Variants in DGKI observed in about 807,000 individuals in gnomAD.
DGKI encodes diacylglycerol kinase iota.
In DGKI, 55 loss-of-function variants were observed where a neutral mutation model predicts 147.5. The ratio of observed to expected loss-of-function variants is 0.37; its 90% confidence interval spans 0.30 to 0.47. The LOEUF (loss-of-function observed/expected upper bound fraction) is 0.47. Among genes scored for constraint, DGKI ranks in the 20% least tolerant of loss-of-function variants. The pLI is 1.00. For synonymous variants in DGKI, 469 were observed against 477.1 expected, an observed-to-expected ratio of 0.98 and a Z score of 0.22; for missense variants, 1,007 against 1,323.8, an observed-to-expected ratio of 0.76 and a Z score of 3.71.
At chr7:137,500,450 T>A (rs1421571141) in intron 21 of DGKI, among the ~76,000 whole-genome samples, 1 of 152,200 alleles carries the variant, frequency 6.6e-6, no homozygotes, top group African/African-American at 2.4e-5. Context: ...TGCCAAATAA[T>A]GCATAAATGA....
At chr7:137,730,049 T>A (rs140170960) in intron 1 of DGKI, among the ~76,000 whole-genome samples, 11 of 152,260 alleles carry the variant, frequency 7.2e-5, no homozygotes, top group Middle Eastern at 3.4e-3. Context: ...TTTTTCTCTA[T>A]GTCTCATTTT....
intron 1 of DGKI, among the ~76,000 whole-genome samples, chr7:137,777,022 CA>C (rs541783637): frequency 1.8e-4 from 27 of 147,526 alleles, no homozygotes; most frequent in Admixed American, 2.7e-4. Flanking sequence ...CTGTTTCTAC[CA>C]AAAAAAAAAA....
rs1563226241 is a variant in DGKI, at chr7:137,846,964, C to CGGCCCGCACCCTCCA, written c.-103_-102insTGGAGGGTGCGGGCC. 2.2e-6 allele frequency: 2 copies of CGGCCCGCACCCTCCA among 909,302 alleles called. No homozygotes were observed. Among genetic ancestry groups the CGGCCCGCACCCTCCA allele is most frequent in the Non-Finnish European group, 2.7e-6 (2 of 751,012 alleles). The allele number at this position is 909,302 out of a possible 1,614,324, so 56.3% of individuals were successfully genotyped here. On this transcript the variant is annotated 5_prime_UTR_variant, in exon 1 of 33. Transcript: ENST00000614521. This position sits in a 1 kb window ranked among gnomAD's most constrained non-coding sequence, Gnocchi z 4.0. ...CCCCGCCTCCCGCGCCCTCCCGCGC[C>CGGCCCGCACCCTCCA]GGCCCGCACCCTCCAGCCCCGCCGG...
At chr7:137,841,413 A>G (rs1197076222) in intron 1 of DGKI, among the ~76,000 whole-genome samples, 1 of 152,234 alleles carries the variant, frequency 6.6e-6, no homozygotes, top group Non-Finnish European at 1.5e-5. Context: ...TAATGAAAAA[A>G]AGTTTTATGG....
intron 1 of DGKI, among the ~76,000 whole-genome samples, chr7:137,816,077 A>G (rs1797727541): frequency 6.6e-6 from 1 of 152,170 alleles, no homozygotes; most frequent in Non-Finnish European, 1.5e-5. Flanking sequence ...TTGATGGCTC[A>G]CAGGTCCCTT....
intron 21 of DGKI, among the ~76,000 whole-genome samples, chr7:137,495,858 G>T (rs1294191267): frequency 1.3e-5 from 2 of 152,050 alleles, no homozygotes; most frequent in African/African-American, 4.8e-5. Context: ...ACATCATACT[G>T]AATGGGTAAA....
rs990696922 is a variant in DGKI at position 137,834,043 on chromosome 7, G to C, written c.401+12419C>G. On this transcript the variant is annotated intron_variant, in intron 1 of 32. Transcript: ENST00000614521. ...ATCCTGTGCCTCAGTTTCCTTTTCT[G>C]TAAAGCTATGGATAGTAAAAGCATC... 4.6e-5 allele frequency among the ~76,000 whole-genome samples: 7 copies of C among 152,312 alleles called. No individual in the cohort carries two copies. The East Asian group carries it at 1.3e-3, about 29-fold the overall frequency.
intron 1 of DGKI, among the ~76,000 whole-genome samples, chr7:137,829,695 G>C (rs1798164323): frequency 6.6e-6 from 1 of 152,184 alleles, no homozygotes; most frequent in Non-Finnish European, 1.5e-5. Context: ...ACTTAAAATA[G>C]GAAAATGCTG....
chr7:137,692,893 C>T (rs1218365676), intron 1 of DGKI, among the ~76,000 whole-genome samples: 1 of 152,104 alleles, frequency 6.6e-6, no homozygotes, highest in Non-Finnish European at 1.5e-5. Flanking sequence ...ATGAAAGTGG[C>T]TGCCAGTTTG....
intron 31 of DGKI, among the ~76,000 whole-genome samples, chr7:137,396,549 T>C (rs1023149689): frequency 6.6e-6 from 1 of 152,196 alleles, no homozygotes; most frequent in African/African-American, 2.4e-5. Context: ...ATCTTGCCAA[T>C]AGGATGTGCT....
At chr7:137,835,578 G>GT (rs548264897) in intron 1 of DGKI, among the ~76,000 whole-genome samples, 85 of 150,834 alleles carry the variant, frequency 5.6e-4, no homozygotes, top group South Asian at 2.1e-3. Flanking sequence ...ATCTCTACCT[G>GT]TTTTTTTTTC....
At chr7:137,478,087 A>T (rs1476260044) in intron 23 of DGKI, among the ~76,000 whole-genome samples, 1 of 152,190 alleles carries the variant, frequency 6.6e-6, no homozygotes, top group African/African-American at 2.4e-5. Context: ...AGAGTTAAAA[A>T]CCAAACAGAA....
In DGKI at chr7:137,638,626, ATATGTGTG is replaced by A; in HGVS notation, c.804+6838_804+6845del. ...TGTATATATATACACACACACATAT[ATATGTGTG>A]TATATATGTGTATGTATATACACAC... On this transcript the variant is annotated intron_variant, in intron 6 of 32. Transcript: ENST00000614521. Among the ~76,000 whole-genome samples the A allele has an allele frequency of 4.4e-4, 4 of 9,190 alleles. 1 individual carries two copies. Among genetic ancestry groups the A allele is most frequent in the African/African-American group, 2.5e-3 (4 of 1,590 alleles). 6.0% of individuals were successfully genotyped at this position (9,190 alleles called of 152,430 possible). A position where few individuals can be genotyped will look rare whatever the true frequency, so the allele number is the denominator to read the frequency against.
At chr7:137,408,654 C>T (rs1176620044) in intron 29 of DGKI, among the ~76,000 whole-genome samples, 2 of 151,902 alleles carry the variant, frequency 1.3e-5, no homozygotes, top group African/African-American at 4.8e-5. Context: ...AGATAATCCA[C>T]AGAGTGAGAC....
intron 1 of DGKI, among the ~76,000 whole-genome samples, chr7:137,691,798 G>GTTTTT (rs796902464): frequency 0.011 from 1,028 of 95,670 alleles, 37 homozygotes; most frequent in African/African-American, 0.039. Context: ...AGACCTTTGG[G>GTTTTT]TTTTTTTTTT....
rs1821478020 is a variant in DGKI at position 137,638,595 on chromosome 7, C to CGTGTGT, written c.804+6876_804+6877insACACAC. On this transcript the variant is annotated intron_variant, in intron 6 of 32. Transcript: ENST00000614521. ...ATATATGTATATATACACATATATA[C>CGTGTGT]ATATATGTATATATATACACACACA... is the stretch of plus-strand genomic sequence containing the variant. Among the ~76,000 whole-genome samples, 6 of 8,778 alleles carry CGTGTGT rather than the reference C, an allele frequency of 6.8e-4. 2 individuals are homozygous for CGTGTGT. The highest frequency in any genetic ancestry group is 1.1e-3 in the Non-Finnish European group (4 of 3,534). The allele number at this position is 8,778 out of a possible 152,430, so 5.8% of individuals were successfully genotyped here. A position where few individuals can be genotyped will look rare whatever the true frequency, so the allele number is the denominator to read the frequency against.
chr7:137,561,722 A>T (rs1818425739), intron 19 of DGKI, among the ~76,000 whole-genome samples: 1 of 151,470 alleles, frequency 6.6e-6, no homozygotes, highest in Non-Finnish European at 1.5e-5. Flanking sequence ...TTGATTTTTA[A>T]AAAAACAACA....
intron 1 of DGKI, among the ~76,000 whole-genome samples, chr7:137,724,789 G>GCCT (rs1939110551): frequency 6.6e-6 from 1 of 152,120 alleles, no homozygotes; most frequent in South Asian, 2.1e-4. Context: ...TGCAGGGGAG[G>GCCT]CAAGCACTAG....
intron 27 of DGKI, among the ~76,000 whole-genome samples, chr7:137,460,200 G>A (rs1814380898): frequency 6.6e-6 from 1 of 152,102 alleles, no homozygotes; most frequent in African/African-American, 2.4e-5. Flanking sequence ...GGCCTTTTCA[G>A]TTACTGATTC....
Sources: gnomAD v4.1 joint callset for allele counts (sites outside exome capture counted in the v4.1 genomes callset) on GRCh38, gnomAD v4.1.1 for gene constraint, Gnocchi (gnomAD v3.1) non-coding constraint, MANE v1.5 for transcripts, NCBI Gene and HGNC (gene_info 2026-07-23, HGNC 2026-07-21) for gene names.